Variants in GABRG2 observed in about 807,000 individuals in gnomAD.
GABRG2 encodes gamma-aminobutyric acid receptor subunit gamma-2.
A neutral mutation model predicts 56.4 loss-of-function variants in GABRG2; 16 were observed. The ratio of observed to expected loss-of-function variants is 0.28; its 90% CI spans 0.19 to 0.43. The LOEUF (loss-of-function observed/expected upper bound fraction) is 0.43. Among genes scored for constraint, GABRG2 ranks in the 20% least tolerant of loss-of-function variants. GABRG2 has a pLI of 1.00. For synonymous variants in GABRG2, 208 were observed against 205.5 expected, an observed-to-expected ratio of 1.01 and a Z score of -0.10; for missense variants, 327 against 582.7, an observed-to-expected ratio of 0.56 and a Z score of 4.52.
chr5:162,074,914 C>CTG (rs1758969717), intron 1 of GABRG2, among the ~76,000 whole-genome samples: 2 of 152,004 alleles, frequency 1.3e-5, no homozygotes, highest in African/African-American at 4.8e-5. Flanking sequence ...GCCTCTTAGT[C>CTG]TTTTTATGGT....
In GABRG2 at chr5:162,153,749, C is replaced by T. The variant is rs988250017; in HGVS notation, c.*381C>T. The T allele has an allele frequency of 8.9e-5, 22 of 246,194 alleles. No homozygotes were observed. Among genetic ancestry groups the T allele is most frequent in the African/African-American group, 4.7e-4 (21 of 44,644 alleles). The allele number at this position is 246,194 out of a possible 1,614,324, so 15.3% of individuals were successfully genotyped here. Reference sequence around the variant, plus strand: ...GGTCCAAAACTGTACCCTATGTTCACTCCGGGTCAAGTTGTGATAAATTTG... The same window carrying T: ...GGTCCAAAACTGTACCCTATGTTCATTCCGGGTCAAGTTGTGATAAATTTG... On this transcript the variant is annotated 3_prime_UTR_variant, in exon 10 of 10. Coordinates refer to ENST00000639213, the MANE Select transcript of GABRG2 (RefSeq NM_198904.4).
intron 6 of GABRG2, among the ~76,000 whole-genome samples, chr5:162,117,462 G>A (rs1251128251): frequency 6.6e-6 from 1 of 151,926 alleles, no homozygotes; most frequent in African/African-American, 2.4e-5. Context: ...AATCCTTAAT[G>A]TCTCTAACAG....
At position 162,153,554 on chromosome 5, in the gene GABRG2, T is replaced by C; in HGVS notation, c.*186T>C. ...CAGCCCTCCTTTGGTTAGTGTACTT[T>C]GAACTTCGATGTTTGCTGTGTTTCA... is the stretch of plus-strand genomic sequence containing the variant. On this transcript the variant is annotated 3_prime_UTR_variant, in exon 10 of 10. Coordinates refer to ENST00000639213, the MANE Select transcript of GABRG2 (RefSeq NM_198904.4). 2 of 697,002 alleles carry C rather than the reference T, an allele frequency of 2.9e-6. No individual in the cohort carries two copies. The highest frequency in any genetic ancestry group is 1.8e-5 in the South Asian group (1 of 55,848). The allele number at this position is 697,002 out of a possible 1,614,324, so 43.2% of individuals were successfully genotyped here.
intron 6 of GABRG2, 30 bp from the exon 7 acceptor site, chr5:162,142,134 T>C: frequency 6.2e-7 from 1 of 1,611,312 alleles, no homozygotes; most frequent in Non-Finnish European, 8.5e-7. Flanking sequence ...TGATAAAGGG[T>C]TGTATGGTGT....
intron 3 of GABRG2, among the ~76,000 whole-genome samples, chr5:162,097,285 T>G (rs1016732992): frequency 2.0e-5 from 3 of 152,086 alleles, no homozygotes; most frequent in African/African-American, 7.2e-5. Flanking sequence ...CCAGGGATGG[T>G]TCTAAACATC....
chr5:162,090,356 T>TACAC (rs1392569610), intron 1 of GABRG2, among the ~76,000 whole-genome samples: 4 of 120,070 alleles, frequency 3.3e-5, no homozygotes, highest in African/African-American at 9.8e-5. Flanking sequence ...TACACATACA[T>TACAC]ACAGGACCAG....
chr5:162,144,231 A>G (rs757668620), intron 7 of GABRG2, among the ~76,000 whole-genome samples: 22 of 152,312 alleles, frequency 1.4e-4, no homozygotes, highest in Non-Finnish European at 2.6e-4. Context: ...TGTTCAATTG[A>G]TGTATACACT....
rs1019642425 is a variant in GABRG2 at position 162,136,923 on chromosome 5, A to G, written c.770-5241A>G. On this transcript the variant is annotated intron_variant, in intron 6 of 9. Coordinates refer to ENST00000639213, the MANE Select transcript of GABRG2 (RefSeq NM_198904.4). ...TGGCCTGACAACTCCTTGATGGCAA[A>G]AGCTAGAGCTTAGCTATATATTTTT... 2.6e-5 allele frequency among the ~76,000 whole-genome samples: 4 copies of G among 152,256 alleles called. No homozygotes were observed. In the South Asian group the frequency reaches 8.3e-4, roughly 32 times the overall value.
intron 5 of GABRG2, chr5:162,102,723 G>T (rs1284548240): frequency 2.5e-6 from 1 of 394,622 alleles, no homozygotes; most frequent in East Asian, 7.3e-5. Flanking sequence ...TAGAGATGGG[G>T]CGTCGCCATG....
Position 162,090,256 on chromosome 5 carries a change from ATACACG to A in GABRG2, c.108-3554_108-3549del, listed in dbSNP as rs1413413664. The stretch of plus-strand genomic sequence containing the variant: ...AAAAAACCCATCCCAACACATACAC[ATACACG>A]TACACGTACACGTACACTTACACGT... On this transcript the variant is annotated intron_variant, in intron 1 of 9. Transcript: ENST00000639213. Among the ~76,000 whole-genome samples the A allele has an allele frequency of 5.0e-4, 76 of 152,100 alleles. 2 individuals are homozygous for A. The highest frequency in any genetic ancestry group is 3.4e-3 in the Middle Eastern group (1 of 292).
At chr5:162,097,514 A>G (rs2113323846) in intron 3 of GABRG2, 124 bp from the exon 4 acceptor site, 1 of 753,936 alleles carries the variant, frequency 1.3e-6, no homozygotes, top group Non-Finnish European at 2.2e-6. Flanking sequence ...CTTTCTTTTG[A>G]ACTATTCAAA....
chr5:162,090,022 G>A (rs1252215833), intron 1 of GABRG2, among the ~76,000 whole-genome samples: 2 of 152,106 alleles, frequency 1.3e-5, no homozygotes, highest in Non-Finnish European at 2.9e-5. Flanking sequence ...TCTCTATGCA[G>A]TATTTGTTGT....
rs61735412 is a variant in GABRG2 at position 162,097,664 on chromosome 5, G to A, written c.354G>A (p.Ala118=). 3.2e-3 allele frequency: 5,155 copies of A among 1,612,768 alleles called. 131 individuals are homozygous for A. In the African/African-American group the frequency reaches 0.055, roughly 17 times the overall value. Residue 118 remains alanine, a synonymous_variant, in exon 4 of 10, where the codon GCG becomes GCA. Coordinates refer to ENST00000639213, the MANE Select transcript of GABRG2 (RefSeq NM_198904.4). ...NMEYTIDIFF[A]QTWYDRRLKF... ...AATACACTATTGATATATTTTTTGC[G>A]CAAACGTGGTATGACAGACGTTTGA...
At chr5:162,078,451 G>A (rs1759370980) in intron 1 of GABRG2, among the ~76,000 whole-genome samples, 1 of 119,938 alleles carries the variant, frequency 8.3e-6, no homozygotes, top group Non-Finnish European at 1.6e-5. Context: ...CTATCGCCTG[G>A]GCTGGAGTGC....
chr5:162,119,659 C>T (rs772894292), intron 6 of GABRG2, among the ~76,000 whole-genome samples: 10 of 152,056 alleles, frequency 6.6e-5, no homozygotes, highest in Non-Finnish European at 1.3e-4. Context: ...TTATATGAAT[C>T]TCTATGTGCT....
intron 7 of GABRG2, among the ~76,000 whole-genome samples, chr5:162,145,046 C>T (rs147675898): frequency 1.1e-3 from 169 of 152,292 alleles, no homozygotes; most frequent in African/African-American, 3.9e-3. Context: ...AGTCCCATTA[C>T]TTTTCTCAAT....
At chr5:162,124,951 T>C (rs990053874) in intron 6 of GABRG2, among the ~76,000 whole-genome samples, 1 of 139,362 alleles carries the variant, frequency 7.2e-6, no homozygotes, top group African/African-American at 2.8e-5. Flanking sequence ...CTTTCTGGTA[T>C]AAAGAGATGT....
chr5:162,100,737 A>G (rs915302594), intron 4 of GABRG2, among the ~76,000 whole-genome samples: 4 of 152,162 alleles, frequency 2.6e-5, no homozygotes, highest in Admixed American at 2.0e-4. Flanking sequence ...ATGCCACACC[A>G]TTGTGCAACA....
Position 162,069,466 on chromosome 5 carries a change from A to T in GABRG2, c.107+1360A>T, listed in dbSNP as rs200528559. On this transcript the variant is annotated intron_variant, in intron 1 of 9. Transcript: ENST00000639213. ...AAGGATGGAGGTTAAACTAGTTTTT[A>T]AAAAAATTATTGAAACTAGGCAACT... Among the ~76,000 whole-genome samples, 33 of 152,230 alleles carry T rather than the reference A, an allele frequency of 2.2e-4. No individual in the cohort carries two copies. In the East Asian group the frequency reaches 5.2e-3, roughly 24 times the overall value.
Sources: allele counts gnomAD v4.1 joint callset (sites outside exome capture counted in the v4.1 genomes callset), GRCh38; gene constraint gnomAD v4.1.1; transcripts MANE v1.5; gene names NCBI Gene and HGNC (gene_info 2026-07-23, HGNC 2026-07-21).